Variants in GPC5 observed in about 807,000 individuals in gnomAD.
GPC5 encodes glypican 5.
A neutral mutation model predicts 53.9 loss-of-function variants in GPC5; 47 were observed. The observed-to-expected ratio is 0.87, with a 90% CI of 0.69 to 1.11. The LOEUF is 1.11. Ranked by LOEUF, GPC5 falls within the 50% of genes most tolerant of loss-of-function variation. GPC5 has a pLI of 0.00. For synonymous variants in GPC5, 286 were observed against 263.3 expected (o/e 1.09, Z -0.84); for missense variants, 748 against 713.1 (o/e 1.05, Z -0.56).
intron 7 of GPC5, among the ~76,000 whole-genome samples, chr13:92,519,286 C>T (rs1167848364): frequency 6.6e-6 from 1 of 152,202 alleles, no homozygotes; most frequent in African/African-American, 2.4e-5. Flanking sequence ...ACCTAATAGA[C>T]ATCTACAGAA....
At chr13:92,239,165 T>TTTC (rs1555321993) in intron 7 of GPC5, among the ~76,000 whole-genome samples, 92 of 150,068 alleles carry the variant, frequency 6.1e-4, no homozygotes, top group African/African-American at 1.6e-3. Context: ...TTTTTTTTTT[T>TTTC]TCAAGATTCT....
In GPC5 at chr13:91,902,006, T is replaced by C. The variant is rs181970441; in HGVS notation, c.1281-5931T>C. ...AAGCTCTCATCAAGTGTTTTCCTCATCTACTATTAATGATTTATTCTTACA... is the reference window on the plus strand; with the variant it reads ...AAGCTCTCATCAAGTGTTTTCCTCACCTACTATTAATGATTTATTCTTACA... On this transcript the variant is annotated intron_variant, in intron 5 of 7. Coordinates refer to ENST00000377067, the MANE Select transcript of GPC5 (RefSeq NM_004466.6). Among the ~76,000 whole-genome samples, 5 of 152,116 alleles carry C rather than the reference T, an allele frequency of 3.3e-5. No homozygotes were observed. The East Asian group carries it at 9.7e-4, about 29-fold the overall frequency.
intron 1 of GPC5, among the ~76,000 whole-genome samples, chr13:91,430,846 A>G (rs925164595): frequency 7.9e-5 from 12 of 152,042 alleles, no homozygotes; most frequent in African/African-American, 2.7e-4. Context: ...GGGGTTCCCT[A>G]TTATAGAGCT....
At chr13:91,494,348 T>TA (rs200375193) in intron 2 of GPC5, among the ~76,000 whole-genome samples, 14,898 of 71,452 alleles carry the variant, frequency 0.21, 993 homozygotes, top group African/African-American at 0.41. Context: ...TTATTATTAT[T>TA]TTTATTAATT....
At chr13:91,601,343 G>T (rs77750023) in intron 2 of GPC5, among the ~76,000 whole-genome samples, 3,924 of 152,196 alleles carry the variant, frequency 0.026, 170 homozygotes, top group African/African-American at 0.089. Context: ...CATAGAAGTG[G>T]ATGCTTAAAA....
intron 7 of GPC5, among the ~76,000 whole-genome samples, chr13:92,475,707 G>A (rs1166915761): frequency 5.9e-5 from 9 of 152,146 alleles, no homozygotes; most frequent in Admixed American, 5.9e-4. Context: ...CAATGGAACA[G>A]AACAGAGCCC....
At chr13:92,382,553 A>G (rs964985158) in intron 7 of GPC5, among the ~76,000 whole-genome samples, 3 of 105,324 alleles carry the variant, frequency 2.8e-5, no homozygotes, top group Non-Finnish European at 6.2e-5. Context: ...TTATTTCTCA[A>G]AACTTCTTTG....
chr13:92,427,815 G>T lies in GPC5; in HGVS notation c.1561+282826G>T, dbSNP rs931803788. 5.9e-5 allele frequency among the ~76,000 whole-genome samples: 9 copies of T among 152,256 alleles called. No homozygotes were observed. In the East Asian group the frequency reaches 1.7e-3, roughly 29 times the overall value. On this transcript the variant is annotated intron_variant, in intron 7 of 7. Transcript: ENST00000377067. ...TCAATTAGTGATAGGAATTCACTTT[G>T]ATCTAGCTCCTTAGTTGCTAACAAA...
intron 7 of GPC5, among the ~76,000 whole-genome samples, chr13:92,704,106 C>T (rs1323334351): frequency 1.3e-5 from 2 of 151,990 alleles, no homozygotes; most frequent in African/African-American, 4.8e-5. Context: ...CTCTCATTGG[C>T]GTTGGAAGTT....
chr13:92,731,591 T>C (rs1888806111), intron 7 of GPC5, among the ~76,000 whole-genome samples: 1 of 151,272 alleles, frequency 6.6e-6, no homozygotes, highest in Admixed American at 6.6e-5. Flanking sequence ...CCTAGAGAGA[T>C]TAATGGAAAA....
intron 2 of GPC5, among the ~76,000 whole-genome samples, chr13:91,523,310 T>G (rs542148139): frequency 6.6e-6 from 1 of 152,196 alleles, no homozygotes; most frequent in Non-Finnish European, 1.5e-5. Context: ...ATTGCAGCAT[T>G]GTATACAATA....
At chr13:92,342,459 G>A (rs907379844) in intron 7 of GPC5, among the ~76,000 whole-genome samples, 4 of 151,932 alleles carry the variant, frequency 2.6e-5, no homozygotes, top group Admixed American at 6.6e-5. Context: ...TGAGTCCTCC[G>A]CCCTCATGAA....
At chr13:91,506,632 T>G (rs923471546) in intron 2 of GPC5, among the ~76,000 whole-genome samples, 8 of 152,150 alleles carry the variant, frequency 5.3e-5, no homozygotes, top group African/African-American at 1.9e-4. Flanking sequence ...CTGATGAAGT[T>G]GAAAATACTC....
chr13:92,203,057 C>T (rs1283313917), intron 7 of GPC5, among the ~76,000 whole-genome samples: 1 of 152,132 alleles, frequency 6.6e-6, no homozygotes, highest in Non-Finnish European at 1.5e-5. Context: ...TATTCACCCC[C>T]ATAGAACTAG....
intron 6 of GPC5, among the ~76,000 whole-genome samples, chr13:92,095,689 C>T (rs1191684354): frequency 2.0e-5 from 3 of 152,112 alleles, no homozygotes; most frequent in Non-Finnish European, 4.4e-5. Context: ...CGTGCGCCAC[C>T]ATGCCCGGCT....
intron 1 of GPC5, 138 bp downstream of exon 1, chr13:91,399,347 C>G (rs1179857516): frequency 1.3e-5 from 13 of 1,037,454 alleles, no homozygotes; most frequent in Non-Finnish European, 1.8e-5. Context: ...GGGGAGGCTT[C>G]CGGGGATGCT....
intron 6 of GPC5, among the ~76,000 whole-genome samples, chr13:91,940,361 A>G (rs951883966): frequency 2.6e-5 from 4 of 152,160 alleles, no homozygotes; most frequent in East Asian, 1.9e-4. Context: ...TCTACGTTAT[A>G]TACATACTAC....
intron 6 of GPC5, among the ~76,000 whole-genome samples, chr13:92,044,537 G>T (rs2040966551): frequency 6.6e-6 from 1 of 152,178 alleles, no homozygotes; most frequent in African/African-American, 2.4e-5. Context: ...TTTGCCAAAT[G>T]ACTTGGTTCT....
At chr13:92,673,962 A>G (rs1886843163) in intron 7 of GPC5, among the ~76,000 whole-genome samples, 1 of 152,214 alleles carries the variant, frequency 6.6e-6, no homozygotes, top group African/African-American at 2.4e-5. Context: ...AAAATAGAGT[A>G]AAATAAACAT....
Sources: allele counts gnomAD v4.1 joint callset (sites outside exome capture counted in the v4.1 genomes callset), GRCh38; gene constraint gnomAD v4.1.1; transcripts MANE v1.5; gene names NCBI Gene and HGNC (gene_info 2026-07-23, HGNC 2026-07-21).